HIPK1: variants seen among roughly 807,000 people sequenced by gnomAD.
HIPK1 encodes homeodomain interacting protein kinase 1.
Under a neutral mutation model 117.1 loss-of-function variants are expected in HIPK1, and 28 were observed. The ratio of observed to expected loss-of-function variants is 0.24; its 90% CI spans 0.18 to 0.33. The LOEUF is 0.33. Ranked by LOEUF, HIPK1 falls within the 10% of genes least tolerant of loss-of-function variation. HIPK1 has a pLI of 1.00. For synonymous variants in HIPK1, 605 were observed against 562.5 expected, an observed-to-expected ratio of 1.08 and a Z score of -1.07; for missense variants, 1,122 against 1,475.1, an observed-to-expected ratio of 0.76 and a Z score of 3.92.
Position 113,940,305 on chromosome 1 carries a change from T to C in HIPK1, c.-2-77T>C, listed in dbSNP as rs1670563447. The C allele has an allele frequency of 1.1e-5, 13 of 1,192,304 alleles. No homozygotes were observed. The South Asian group carries it at 1.9e-4, about 18-fold the overall frequency. The allele number at this position is 1,192,304 out of a possible 1,614,324, so 73.9% of individuals were successfully genotyped here. A position where few individuals can be genotyped will look rare whatever the true frequency, so the allele number is the denominator to read the frequency against. On this transcript the variant is annotated intron_variant, in intron 1 of 15. Coordinates refer to ENST00000426820, the MANE Select transcript of HIPK1 (RefSeq NM_198268.3). ...TTCTTTTATCAAGTAAAAGTGTGTG[T>C]GTGTGTTTGTGTGTTTTAAATCTAA...
Position 113,967,938 on chromosome 1 carries a change from G to T in HIPK1, c.2554G>T (p.Val852Phe), listed in dbSNP as rs1672563385. The part of the protein sequence containing the change: ...PSKKNKQSAP[V>F]SSKSSLDVLP... Reference sequence around the variant, plus strand: ...GAAGAAGAATAAGCAGTCAGCTCCAGTCTCTTCCAAGTGAGTCTGTGTTAC... The same window carrying T: ...GAAGAAGAATAAGCAGTCAGCTCCATTCTCTTCCAAGTGAGTCTGTGTTAC... The change falls in exon 12 of 16, where the codon GTC (valine) becomes TTC (phenylalanine). Residue 852 changes from valine to phenylalanine, a missense_variant. By Grantham distance (50) the Val-to-Phe change is conservative. Transcript: ENST00000426820. 1 of 1,605,782 alleles carries T rather than the reference G, an allele frequency of 6.2e-7. No individual in the cohort carries two copies. The highest frequency in any genetic ancestry group is 1.3e-5 in the African/African-American group (1 of 74,424).
At chr1:113,948,787 T>G (rs2101247981) in intron 2 of HIPK1, among the ~76,000 whole-genome samples, 1 of 152,164 alleles carries the variant, frequency 6.6e-6, no homozygotes, top group Non-Finnish European at 1.5e-5. Flanking sequence ...ATATTTTCCT[T>G]AATTTCCCAG....
chr1:113,939,910 C>T (rs550947384), intron 1 of HIPK1, among the ~76,000 whole-genome samples: 4 of 150,480 alleles, frequency 2.7e-5, no homozygotes, highest in South Asian at 2.1e-4. Flanking sequence ...TAACTTTCCT[C>T]GGTTCTTCAG....
chr1:113,967,360 CT>C (rs942473692), intron 11 of HIPK1, among the ~76,000 whole-genome samples: 63 of 152,112 alleles, frequency 4.1e-4, no homozygotes, highest in African/African-American at 1.5e-3. Context: ...CAATTGTTCC[CT>C]TTTTTCCATA....
Position 113,976,430 on chromosome 1 carries a change from T to G in HIPK1, c.*2918T>G, listed in dbSNP as rs1158984056. Reference sequence around the variant, plus strand: ...TCTGTAAGGGACAAGATTTGTTGTTTTTGTAAGAAATGAGATGCAGGAAAG... The same window carrying G: ...TCTGTAAGGGACAAGATTTGTTGTTGTTGTAAGAAATGAGATGCAGGAAAG... On this transcript the variant is annotated 3_prime_UTR_variant, in exon 16 of 16. Coordinates refer to ENST00000426820, the MANE Select transcript of HIPK1 (RefSeq NM_198268.3). The G allele has an allele frequency of 6.6e-6, 1 of 152,628 alleles. No individual in the cohort carries two copies. Among genetic ancestry groups the G allele is most frequent in the Non-Finnish European group, 1.5e-5 (1 of 68,032 alleles). 9.5% of individuals were successfully genotyped at this position (152,628 alleles called of 1,614,324 possible).
At chr1:113,961,942 CAAAAAAAAAAAA>C (rs957986733) in intron 8 of HIPK1, among the ~76,000 whole-genome samples, 2 of 32,304 alleles carry the variant, frequency 6.2e-5, no homozygotes, top group South Asian at 1.6e-3. Flanking sequence ...GACTCCATCT[CAAAAAAAAAAAA>C]AAAAAAAAAA....
At chr1:113,931,874 C>G (rs1381365060) in intron 1 of HIPK1, among the ~76,000 whole-genome samples, 1 of 152,164 alleles carries the variant, frequency 6.6e-6, no homozygotes, top group African/African-American at 2.4e-5. Flanking sequence ...GCTTGATCTG[C>G]CACCTGCATG....
chr1:113,970,425 C>G (rs1672744005), intron 14 of HIPK1, among the ~76,000 whole-genome samples: 1 of 152,162 alleles, frequency 6.6e-6, no homozygotes, highest in Admixed American at 6.5e-5. Context: ...AGATTGTAGT[C>G]TCAGAAACAC....
At chr1:113,964,385 C>G (rs556561227) in intron 10 of HIPK1, among the ~76,000 whole-genome samples, 1 of 152,228 alleles carries the variant, frequency 6.6e-6, no homozygotes, top group East Asian at 1.9e-4. Flanking sequence ...AAAAAACAAC[C>G]AAGACTTTGA....
In HIPK1 at chr1:113,954,692, T is replaced by C. The variant is rs868071081; in HGVS notation, c.1242T>C (p.Tyr414=). The change falls in exon 4 of 16, where the codon TAT becomes TAC. Residue 414 remains tyrosine, a synonymous_variant. Coordinates refer to ENST00000426820, the MANE Select transcript of HIPK1 (RefSeq NM_198268.3). ...AAACACAAGGCTTGCCAGCTGAATA[T>C]CTTCTCAGTGCCGGAACAAAAACAA... ...ISQTQGLPAE[Y]LLSAGTKTTR... 3 of 1,613,744 alleles carry C rather than the reference T, an allele frequency of 1.9e-6. No individual in the cohort carries two copies. The highest frequency in any genetic ancestry group is 3.3e-4 in the Middle Eastern group (2 of 6,062).
intron 1 of HIPK1, among the ~76,000 whole-genome samples, chr1:113,939,103 T>C (rs1180674987): frequency 6.6e-6 from 1 of 151,944 alleles, no homozygotes; most frequent in Non-Finnish European, 1.5e-5. Context: ...AACAACCCCA[T>C]GAGGTAGGTA....
At chr1:113,929,823 C>T in intron 1 of HIPK1, 1 of 986,328 alleles carries the variant, frequency 1.0e-6, no homozygotes, top group Non-Finnish European at 1.2e-6. Flanking sequence ...GGGGCCGGGG[C>T]CCGGGCCGGC....
chr1:113,945,141 GC>G (rs1440589222), intron 2 of HIPK1, among the ~76,000 whole-genome samples: 2 of 152,168 alleles, frequency 1.3e-5, no homozygotes, highest in Non-Finnish European at 1.5e-5. Flanking sequence ...GAGCCACCAT[GC>G]CCAGCCTGGC....
In HIPK1 at chr1:113,941,753, T is replaced by TTTTA. The variant is rs570216685; in HGVS notation, c.1076+315_1076+318dup. ...TTACCTCATTTTCCCATTTTATTTA[T>TTTTA]TTTATTTATTTATTTATTTATTTAG... On this transcript the variant is annotated intron_variant, in intron 2 of 15. Transcript: ENST00000426820. This position sits in a 1 kb window ranked among gnomAD's most constrained non-coding sequence, Gnocchi z 4.9. 3.6e-3 allele frequency among the ~76,000 whole-genome samples: 541 copies of TTTTA among 151,926 alleles called. 1 individual carries two copies. Among genetic ancestry groups the TTTTA allele is most frequent in the Non-Finnish European group, 5.3e-3 (360 of 67,968 alleles).
Position 113,973,586 on chromosome 1 carries a change from A to T in HIPK1, c.*74A>T. ...GCGTTCTTAATATTGGGCTATGGAGAGATCCTCCTTTACCCTCTTGAAATT... is the reference window on the plus strand; with the variant it reads ...GCGTTCTTAATATTGGGCTATGGAGTGATCCTCCTTTACCCTCTTGAAATT... On this transcript the variant is annotated 3_prime_UTR_variant, in exon 16 of 16. Transcript: ENST00000426820. The T allele has an allele frequency of 2.7e-6, 4 of 1,490,374 alleles. No homozygotes were observed. The highest frequency in any genetic ancestry group is 3.6e-6 in the Non-Finnish European group (4 of 1,112,196). The allele number at this position is 1,490,374 out of a possible 1,614,324, so 92.3% of individuals were successfully genotyped here. A position where few individuals can be genotyped will look rare whatever the true frequency, so the allele number is the denominator to read the frequency against.
chr1:113,931,144 C>T (rs1669866065), intron 1 of HIPK1, among the ~76,000 whole-genome samples: 2 of 148,012 alleles, frequency 1.4e-5, no homozygotes, highest in Admixed American at 1.3e-4. Context: ...TTGTGTAAAG[C>T]TATTTTTGAT....
intron 8 of HIPK1, among the ~76,000 whole-genome samples, chr1:113,959,299 G>C (rs1018069720): frequency 1.3e-5 from 2 of 151,958 alleles, no homozygotes; most frequent in African/African-American, 4.8e-5. Flanking sequence ...AGGGGCTAGG[G>C]GGGTCAGAGA....
In HIPK1 at chr1:113,960,477, G is replaced by A. The variant is rs1672025221; in HGVS notation, c.1982-1840G>A. On this transcript the variant is annotated intron_variant, in intron 8 of 15. Coordinates refer to ENST00000426820, the MANE Select transcript of HIPK1 (RefSeq NM_198268.3). Reference sequence around the variant, plus strand: ...AATAGATAACACATTTTGCTTAGTGGTAACTATTATTCTGTAATTTTGTCA... The same window carrying A: ...AATAGATAACACATTTTGCTTAGTGATAACTATTATTCTGTAATTTTGTCA... 5.9e-5 allele frequency among the ~76,000 whole-genome samples: 9 copies of A among 152,242 alleles called. No individual in the cohort carries two copies. In the South Asian group the frequency reaches 1.9e-3, roughly 32 times the overall value.
At chr1:113,965,285 C>CT (rs1558145913) in intron 10 of HIPK1, among the ~76,000 whole-genome samples, 5 of 151,414 alleles carry the variant, frequency 3.3e-5, no homozygotes, top group Non-Finnish European at 7.4e-5. Context: ...AATCCGTTCC[C>CT]ATTTTTTTTT....
Sources: gnomAD v4.1 joint callset for allele counts (sites outside exome capture counted in the v4.1 genomes callset) on GRCh38, gnomAD v4.1.1 for gene constraint, Gnocchi (gnomAD v3.1) non-coding constraint, MANE v1.5 for transcripts, NCBI Gene and HGNC (gene_info 2026-07-23, HGNC 2026-07-21) for gene names.